Variants in DMXL1 observed in about 807,000 individuals in gnomAD.
DMXL1 encodes the protein dmX-like protein 1.
DMXL1 carries 99 observed loss-of-function variants against 319.2 expected under a neutral mutation model. The observed-to-expected ratio is 0.31, with a 90% CI of 0.26 to 0.37. DMXL1 has a LOEUF of 0.37. DMXL1 is among the 10% of genes least tolerant of loss of function. The pLI, the probability that DMXL1 is intolerant of heterozygous loss-of-function variation, is 1.00. For synonymous variants in DMXL1, 1,385 were observed against 1,235.2 expected, an observed-to-expected ratio of 1.12 and a Z score of -2.54; for missense variants, 3,745 against 3,595.6, an observed-to-expected ratio of 1.04 and a Z score of -1.06.
chr5:119,097,010 A>G (rs1227475278), intron 1 of DMXL1, among the ~76,000 whole-genome samples: 1 of 152,242 alleles, frequency 6.6e-6, no homozygotes, highest in Non-Finnish European at 1.5e-5. Flanking sequence ...ATAAACAGTA[A>G]TGTGATAGAA....
At position 119,190,030 on chromosome 5, in the gene DMXL1, A is replaced by G. The variant is rs368394101; in HGVS notation, c.7314+144A>G. On this transcript the variant is annotated intron_variant, in intron 29 of 43. Coordinates refer to ENST00000539542, the MANE Select transcript of DMXL1 (RefSeq NM_001290321.3). ...ATTAGTATCAGGCTACATTCCAAAAATATATACCCTAGAATATTTTGACCA... is the reference window on the plus strand; with the variant it reads ...ATTAGTATCAGGCTACATTCCAAAAGTATATACCCTAGAATATTTTGACCA... 2.1e-4 allele frequency: 140 copies of G among 667,560 alleles called. 1 individual carries two copies. Among genetic ancestry groups the G allele is most frequent in the East Asian group, 1.8e-3 (64 of 35,824 alleles). 41.4% of individuals were successfully genotyped at this position (667,560 alleles called of 1,614,324 possible).
At chr5:119,166,286 CAG>C (rs551096705) in intron 21 of DMXL1, among the ~76,000 whole-genome samples, 108 of 152,246 alleles carry the variant, frequency 7.1e-4, no homozygotes, top group African/African-American at 2.3e-3. Flanking sequence ...TCTCAGATGG[CAG>C]GGGTGAAAAG....
At chr5:119,232,728 C>G (rs571130618) in intron 38 of DMXL1, among the ~76,000 whole-genome samples, 20 of 151,912 alleles carry the variant, frequency 1.3e-4, no homozygotes, top group African/African-American at 4.6e-4. Context: ...AAATCCCAGC[C>G]TCTTAGAGGC....
intron 28 of DMXL1, among the ~76,000 whole-genome samples, chr5:119,185,134 C>T (rs538483625): frequency 1.3e-5 from 2 of 152,050 alleles, no homozygotes; most frequent in East Asian, 3.9e-4. Flanking sequence ...TCCACCTGCC[C>T]CCATCTCTCC....
chr5:119,167,703 G>A lies in DMXL1; in HGVS notation c.5237G>A (p.Arg1746His), dbSNP rs779107340. 30 of 1,613,362 alleles carry A rather than the reference G, an allele frequency of 1.9e-5. No individual in the cohort carries two copies. The highest frequency in any genetic ancestry group is 1.6e-4 in the Middle Eastern group (1 of 6,074). ...DTSAAYKSILRKKVLGIDSPV... is the reference protein window; with the variant it reads ...DTSAAYKSILHKKVLGIDSPV... Reference sequence around the variant, plus strand: ...TCTGCAGCATATAAATCTATTTTACGTAAAAAAGTTTTGGGAATCGATTCT... The same window carrying A: ...TCTGCAGCATATAAATCTATTTTACATAAAAAAGTTTTGGGAATCGATTCT... The change falls in exon 23 of 44, where the codon CGT becomes CAT. Residue 1746 changes from arginine (R) to histidine (H), a missense_variant. Arg to His is a conservative substitution (Grantham distance 29). Around this residue, in one of 4 missense-constraint regions of DMXL1, gnomAD observed 1,382 missense variants for 1,269.5 expected, o/e 1.09. Coordinates refer to ENST00000539542, the MANE Select transcript of DMXL1 (RefSeq NM_001290321.3).
chr5:119,179,542 C>T (rs1015568000), intron 28 of DMXL1, among the ~76,000 whole-genome samples: 7 of 151,956 alleles, frequency 4.6e-5, no homozygotes, highest in African/African-American at 1.7e-4. Context: ...AAAATTATTG[C>T]CAAAATCTTT....
rs1779124515 is a variant in DMXL1 at position 119,193,833 on chromosome 5, T to C, written c.7320T>C (p.Phe2440=). ...SIWDYFIAKP[F]LPSSQSRAEY... is the part of the protein sequence containing the mutation. ...TCATGATTTCTTTATTTTAGCCTTT[T>C]CTACCCTCTTCTCAAAGTAGAGCCG... Residue 2440 remains phenylalanine (F), a synonymous_variant, in exon 30 of 44, where the codon TTT becomes TTC. Coordinates refer to ENST00000539542, the MANE Select transcript of DMXL1 (RefSeq NM_001290321.3). The C allele has an allele frequency of 6.2e-7, 1 of 1,611,992 alleles. No individual in the cohort carries two copies.
chr5:119,181,811 CAAAAA>C (rs906610640), intron 28 of DMXL1, among the ~76,000 whole-genome samples: 3 of 151,312 alleles, frequency 2.0e-5, no homozygotes, highest in African/African-American at 7.3e-5. Flanking sequence ...GACTCCATCT[CAAAAA>C]AGAAAAGAAA....
chr5:119,186,397 A>G lies in DMXL1; in HGVS notation c.7136-3311A>G, dbSNP rs779727599. ...GTGATCCTCCCAAGTGGCTGGGACT[A>G]CAGGCATGTGCCACCATGCCCAGCT... On this transcript the variant is annotated intron_variant, in intron 28 of 43. Transcript: ENST00000539542. 4.8e-4 allele frequency among the ~76,000 whole-genome samples: 73 copies of G among 152,276 alleles called. 1 individual carries two copies. The highest frequency in any genetic ancestry group is 6.0e-4 in the Non-Finnish European group (41 of 68,022).
In DMXL1 at chr5:119,120,955, G is replaced by C. The variant is rs377139010; in HGVS notation, c.934-16G>C. 10 of 1,596,454 alleles carry C rather than the reference G, an allele frequency of 6.3e-6. No individual in the cohort carries two copies. The African/African-American group carries it at 1.1e-4, about 17-fold the overall frequency. ...TTTTGACAATATAGGTATTAGTTTT[G>C]TTTCTATTCACACAGGTAAATCTGA... On this transcript the variant is annotated splice_polypyrimidine_tract_variant and intron_variant, in intron 8 of 43. Transcript: ENST00000539542.
At chr5:119,206,735 A>C in intron 33 of DMXL1, 99 bp from the exon 34 acceptor site, 1 of 665,454 alleles carries the variant, frequency 1.5e-6, no homozygotes, top group South Asian at 2.1e-5. Flanking sequence ...CTTTTCTAGT[A>C]AATTTGGTTT....
intron 9 of DMXL1, among the ~76,000 whole-genome samples, chr5:119,121,769 C>T (rs1164588714): frequency 2.0e-5 from 3 of 152,246 alleles, no homozygotes; most frequent in Admixed American, 6.5e-5. Flanking sequence ...CCATTGTCAT[C>T]CTGGCCCGTT....
chr5:119,227,241 T>C (rs1219222528), intron 38 of DMXL1, among the ~76,000 whole-genome samples: 2 of 148,490 alleles, frequency 1.3e-5, no homozygotes, highest in African/African-American at 4.9e-5. Context: ...TTAATGTGTT[T>C]TCCCTGTTTA....
At chr5:119,130,203 A>G (rs1291161359) in intron 10 of DMXL1, among the ~76,000 whole-genome samples, 2 of 152,168 alleles carry the variant, frequency 1.3e-5, no homozygotes, top group Non-Finnish European at 2.9e-5. Flanking sequence ...AAGTTTCCAC[A>G]TTGTTAAGTT....
At chr5:119,097,516 G>T (rs1377671782) in intron 1 of DMXL1, among the ~76,000 whole-genome samples, 1 of 152,114 alleles carries the variant, frequency 6.6e-6, no homozygotes, top group African/African-American at 2.4e-5. Context: ...AGGAGATCAA[G>T]ACCATCCTGG....
At chr5:119,082,012 TATATATATACACACAC>T (rs1329210070) in intron 1 of DMXL1, among the ~76,000 whole-genome samples, 4 of 71,742 alleles carry the variant, frequency 5.6e-5, no homozygotes, top group African/African-American at 1.3e-4. Context: ...TATATATATA[TATATATATACACACAC>T]ACACACACAC....
intron 10 of DMXL1, among the ~76,000 whole-genome samples, chr5:119,130,832 C>G (rs1764704612): frequency 6.6e-6 from 1 of 151,770 alleles, no homozygotes; most frequent in African/African-American, 2.4e-5. Flanking sequence ...GTGAGTTTTT[C>G]TATAATCTTG....
At chr5:119,214,306 G>A (rs934268534) in intron 34 of DMXL1, among the ~76,000 whole-genome samples, 20 of 152,142 alleles carry the variant, frequency 1.3e-4, no homozygotes, top group African/African-American at 4.8e-4. Flanking sequence ...CCCAATTCCA[G>A]CCACTTATCA....
chr5:119,184,574 C>G (rs1449713642), intron 28 of DMXL1, among the ~76,000 whole-genome samples: 1 of 152,186 alleles, frequency 6.6e-6, no homozygotes, highest in Non-Finnish European at 1.5e-5. Flanking sequence ...GTAAGTCTAT[C>G]ATGTGGTGAA....
Sources: gnomAD v4.1 joint callset for allele counts (sites outside exome capture counted in the v4.1 genomes callset) on GRCh38, gnomAD v4.1.1 for gene constraint, gnomAD v4.1.1 regional missense constraint, MANE v1.5 for transcripts, NCBI Gene and HGNC (gene_info 2026-07-23, HGNC 2026-07-21) for gene names.